FAM114A1: variants seen among roughly 807,000 people sequenced by gnomAD.
FAM114A1 encodes the protein family with sequence similarity 114 member A1.
Under a neutral mutation model 64.3 loss-of-function variants are expected in FAM114A1, and 62 were observed. The observed-to-expected ratio is 0.96, with a 90% CI of 0.79 to 1.19. The LOEUF (loss-of-function observed/expected upper bound fraction) is 1.19, where lower values mean the gene tolerates loss of function less well. Ranked by LOEUF, FAM114A1 falls within the 50% of genes most tolerant of loss-of-function variation. The probability of loss-of-function intolerance (pLI) is 0.00; values close to 1 mark genes in which losing one functional copy is unlikely to be tolerated. For missense variants in FAM114A1, 645 were observed against 676.3 expected (o/e 0.95, Z 0.51); for synonymous variants, 254 against 251.1 (o/e 1.01, Z -0.11).
At chr4:38,900,059 T>C (rs1042021898) in intron 4 of FAM114A1, among the ~76,000 whole-genome samples, 3 of 152,114 alleles carry the variant, frequency 2.0e-5, no homozygotes, top group Admixed American at 1.3e-4. Context: ...GCTAATATTA[T>C]GAAATTTTTA....
chr4:38,874,514 T>C (rs149349802), intron 2 of FAM114A1, among the ~76,000 whole-genome samples: 1 of 152,312 alleles, frequency 6.6e-6, no homozygotes, highest in East Asian at 1.9e-4. Context: ...TTAATGGTTT[T>C]TGTTTTGTTT....
chr4:38,875,137 G>A (rs867824437), intron 2 of FAM114A1, among the ~76,000 whole-genome samples: 1 of 152,206 alleles, frequency 6.6e-6, no homozygotes, highest in Middle Eastern at 3.4e-3. Flanking sequence ...TTTTTGCTTA[G>A]GAATGCTTTG....
intron 4 of FAM114A1, 37 bp downstream of exon 4, chr4:38,891,867 C>T: frequency 1.3e-6 from 2 of 1,567,046 alleles, no homozygotes; most frequent in Non-Finnish European, 1.7e-6. Context: ...AGACAAAGTA[C>T]CAAAGCCTAA....
At chr4:38,921,577 T>A (rs1316384795) in intron 8 of FAM114A1, among the ~76,000 whole-genome samples, 1 of 152,186 alleles carries the variant, frequency 6.6e-6, no homozygotes, top group Non-Finnish European at 1.5e-5. Flanking sequence ...AAATAATTGT[T>A]AACTGTATAC....
intron 3 of FAM114A1, among the ~76,000 whole-genome samples, chr4:38,886,853 A>C (rs1382111857): frequency 6.6e-6 from 1 of 150,832 alleles, no homozygotes; most frequent in East Asian, 2.0e-4. Flanking sequence ...GCTTGAGCCC[A>C]GGAGGTGGAG....
intron 2 of FAM114A1, among the ~76,000 whole-genome samples, chr4:38,869,352 A>G (rs548872501): frequency 2.2e-4 from 34 of 152,326 alleles, no homozygotes; most frequent in Admixed American, 2.0e-3. Flanking sequence ...TTTGCCAGGC[A>G]GCTGGAGGAA....
At chr4:38,930,872 G>C (rs1251467798) in intron 10 of FAM114A1, among the ~76,000 whole-genome samples, 1 of 152,180 alleles carries the variant, frequency 6.6e-6, no homozygotes, top group Non-Finnish European at 1.5e-5. Context: ...AATTAAACTA[G>C]ACACAGAGCA....
chr4:38,926,979 C>G (rs539903134), intron 9 of FAM114A1, among the ~76,000 whole-genome samples: 1 of 152,190 alleles, frequency 6.6e-6, no homozygotes, highest in African/African-American at 2.4e-5. Context: ...GTTGTGGCTT[C>G]GTCATGAGCA....
rs750021596 is a variant in FAM114A1, at chr4:38,943,551, G to A, written c.1686G>A (p.Gln562=). Residue 562 remains glutamine, a synonymous_variant, in exon 15 of 15, where the codon CAG becomes CAA. Coordinates refer to ENST00000358869, the MANE Select transcript of FAM114A1 (RefSeq NM_138389.4). ...SHIQTSCLKA[Q]P The stretch of plus-strand genomic sequence containing the variant: ...TCCAGACCAGTTGTTTGAAAGCACA[G>A]CCGTGACCTGGCCAGACTCCATCTA... 2 of 1,613,630 alleles carry A rather than the reference G, an allele frequency of 1.2e-6. No homozygotes were observed. Among genetic ancestry groups the A allele is most frequent in the East Asian group, 4.5e-5 (2 of 44,890 alleles).
intron 13 of FAM114A1, among the ~76,000 whole-genome samples, chr4:38,937,774 G>A (rs547937216): frequency 8.5e-5 from 13 of 152,116 alleles, no homozygotes; most frequent in South Asian, 6.2e-4. Flanking sequence ...TTGCTCTGTC[G>A]CCCAGGCTGG....
chr4:38,895,330 G>T (rs902385559), intron 4 of FAM114A1, among the ~76,000 whole-genome samples: 1 of 152,180 alleles, frequency 6.6e-6, no homozygotes, highest in Non-Finnish European at 1.5e-5. Context: ...CTGCCCTCAG[G>T]TCCTCCTTCA....
chr4:38,916,942 A>G (rs903959260), intron 8 of FAM114A1, among the ~76,000 whole-genome samples: 11 of 152,168 alleles, frequency 7.2e-5, no homozygotes, highest in African/African-American at 2.4e-4. Flanking sequence ...AGCCCTTTAC[A>G]ATTTACAGAG....
At chr4:38,899,684 C>G (rs976585522) in intron 4 of FAM114A1, among the ~76,000 whole-genome samples, 8 of 152,090 alleles carry the variant, frequency 5.3e-5, no homozygotes, top group African/African-American at 1.9e-4. Flanking sequence ...TTCAAAAGCT[C>G]CAAGCATTGC....
At chr4:38,875,585 T>C (rs1296090829) in intron 2 of FAM114A1, among the ~76,000 whole-genome samples, 3 of 152,214 alleles carry the variant, frequency 2.0e-5, no homozygotes, top group Non-Finnish European at 4.4e-5. Flanking sequence ...GACTATGGGA[T>C]TTTCTAGGTG....
intron 4 of FAM114A1, among the ~76,000 whole-genome samples, chr4:38,903,128 G>A (rs1717667423): frequency 6.6e-6 from 1 of 152,104 alleles, no homozygotes. Context: ...ATAAGAAAAT[G>A]TAGTTGGAAC....
At chr4:38,940,285 T>C (rs1244122654) in intron 13 of FAM114A1, among the ~76,000 whole-genome samples, 1 of 152,136 alleles carries the variant, frequency 6.6e-6, no homozygotes, top group Non-Finnish European at 1.5e-5. Flanking sequence ...TGCAGACCTG[T>C]TTTCAAGTTA....
intron 8 of FAM114A1, among the ~76,000 whole-genome samples, chr4:38,916,414 C>G (rs1719054079): frequency 6.6e-6 from 1 of 152,042 alleles, no homozygotes; most frequent in Admixed American, 6.6e-5. Flanking sequence ...AAAGGAAAAG[C>G]CAAAGAAGCA....
intron 2 of FAM114A1, among the ~76,000 whole-genome samples, chr4:38,873,818 T>C (rs1714343124): frequency 6.6e-6 from 1 of 152,144 alleles, no homozygotes; most frequent in African/African-American, 2.4e-5. Context: ...CAGAGGTCCC[T>C]GGATACTAGC....
chr4:38,881,044 G>C (rs1715217952), intron 3 of FAM114A1, among the ~76,000 whole-genome samples: 1 of 152,002 alleles, frequency 6.6e-6, no homozygotes, highest in Admixed American at 6.6e-5. Context: ...AATTAGCCAG[G>C]TGTGGTGGTG....
Sources: allele counts gnomAD v4.1 joint callset (sites outside exome capture counted in the v4.1 genomes callset), GRCh38; gene constraint gnomAD v4.1.1; transcripts MANE v1.5; gene names NCBI Gene and HGNC (gene_info 2026-07-23, HGNC 2026-07-21).